CLEC16A: variants seen among roughly 807,000 people sequenced by gnomAD.
The protein encoded by CLEC16A is C-type lectin domain containing 16A.
A neutral mutation model predicts 109.5 loss-of-function variants in CLEC16A; 51 were observed. That is an observed-to-expected ratio of 0.47 (90% CI 0.37 to 0.59). CLEC16A has a LOEUF of 0.59. CLEC16A is among the 20% of genes least tolerant of loss of function. The pLI is 0.00. For missense variants in CLEC16A, 1,339 were observed against 1,394.0 expected (o/e 0.96, Z 0.63); for synonymous variants, 673 against 564.2 (o/e 1.19, Z -2.73).
At chr16:10,955,716 G>A (rs1422252348) in intron 1 of CLEC16A, among the ~76,000 whole-genome samples, 1 of 152,144 alleles carries the variant, frequency 6.6e-6, no homozygotes, top group East Asian at 1.9e-4. Context: ...TATGATGTGT[G>A]ATGCTAATAG....
At chr16:11,072,156 C>T (rs577669918) in intron 19 of CLEC16A, among the ~76,000 whole-genome samples, 2 of 152,200 alleles carry the variant, frequency 1.3e-5, no homozygotes, top group Admixed American at 6.5e-5. Flanking sequence ...GGATCTCGTT[C>T]TGTCCCCCAG....
At chr16:11,011,328 C>T (rs1017899158) in intron 11 of CLEC16A, among the ~76,000 whole-genome samples, 13 of 152,136 alleles carry the variant, frequency 8.5e-5, no homozygotes, top group African/African-American at 2.7e-4. Flanking sequence ...CCTTTCCCTT[C>T]TTCTCATTTA....
chr16:11,104,863 C>T (rs757263017), intron 19 of CLEC16A, among the ~76,000 whole-genome samples: 3 of 152,180 alleles, frequency 2.0e-5, no homozygotes, highest in African/African-American at 4.8e-5. Context: ...GGTAGAGAGA[C>T]CCTGACCACA....
At chr16:10,980,583 G>A (rs1042361856) in intron 9 of CLEC16A, among the ~76,000 whole-genome samples, 5 of 152,052 alleles carry the variant, frequency 3.3e-5, no homozygotes, top group African/African-American at 7.3e-5. Flanking sequence ...CAGCGGGAAC[G>A]TCAGTGGAGA....
intron 19 of CLEC16A, among the ~76,000 whole-genome samples, chr16:11,070,074 A>C (rs1355952247): frequency 1.4e-5 from 2 of 143,674 alleles, no homozygotes; most frequent in Non-Finnish European, 1.5e-5. Context: ...AACTGCCACC[A>C]TTTTTTTTTT....
chr16:11,167,068 C>A (rs555362463), intron 23 of CLEC16A, among the ~76,000 whole-genome samples: 1 of 152,264 alleles, frequency 6.6e-6, no homozygotes, highest in East Asian at 1.9e-4. Context: ...CAACTTATTC[C>A]ACTTCAGACA....
At chr16:11,049,639 G>A (rs901173882) in intron 17 of CLEC16A, among the ~76,000 whole-genome samples, 3 of 152,200 alleles carry the variant, frequency 2.0e-5, no homozygotes, top group African/African-American at 7.2e-5. Flanking sequence ...GAAGGGGGTG[G>A]GGACAGGCCC....
intron 22 of CLEC16A, among the ~76,000 whole-genome samples, chr16:11,131,175 C>T (rs2053184991): frequency 6.6e-6 from 1 of 152,150 alleles, no homozygotes; most frequent in Admixed American, 6.5e-5. Flanking sequence ...GGTGGGCAGG[C>T]ATGGCCAGGC....
chr16:11,161,861 T>C (rs1007224566), intron 22 of CLEC16A, among the ~76,000 whole-genome samples: 1 of 152,170 alleles, frequency 6.6e-6, no homozygotes, highest in Non-Finnish European at 1.5e-5. Context: ...ATAACATAAA[T>C]AAGCAAAGCG....
At chr16:11,017,368 G>C (rs935149872) in intron 11 of CLEC16A, among the ~76,000 whole-genome samples, 3 of 152,126 alleles carry the variant, frequency 2.0e-5, no homozygotes, top group African/African-American at 7.2e-5. Context: ...TAAAGAAGCA[G>C]AACAATAGAG....
At chr16:11,054,143 G>A (rs1239819529) in intron 18 of CLEC16A, among the ~76,000 whole-genome samples, 1 of 152,222 alleles carries the variant, frequency 6.6e-6, no homozygotes, top group Non-Finnish European at 1.5e-5. Context: ...GAGCCTTGGA[G>A]CCCCTTGAGA....
chr16:11,178,748 G>A lies in CLEC16A; in HGVS notation c.*58G>A, dbSNP rs916651488. On this transcript the variant is annotated 3_prime_UTR_variant, in exon 24 of 24. Transcript: ENST00000409790. This position sits in a 1 kb window ranked among gnomAD's most constrained non-coding sequence, Gnocchi z 6.5. ...CCCCGCTGGTAGGGACCCCAGTGCC[G>A]CTGACTGGCAAGACACACTGGGAGC... 1.1e-4 allele frequency: 149 copies of A among 1,322,580 alleles called. No individual in the cohort carries two copies. The highest frequency in any genetic ancestry group is 1.4e-4 in the Non-Finnish European group (144 of 996,732). The allele number at this position is 1,322,580 out of a possible 1,614,324, so 81.9% of individuals were successfully genotyped here.
In CLEC16A at chr16:10,966,405, G is replaced by A. The variant is rs575372701; in HGVS notation, c.344-2756G>A. Among the ~76,000 whole-genome samples, 7 of 152,240 alleles carry A rather than the reference G, an allele frequency of 4.6e-5. No homozygotes were observed. In the East Asian group the frequency reaches 9.7e-4, roughly 21 times the overall value. Reference sequence around the variant, plus strand: ...AGAATAAGGGTTGCATTGGGGTAGCGGGTACTGACTGGGCAGGGGCATGAG... The same window carrying A: ...AGAATAAGGGTTGCATTGGGGTAGCAGGTACTGACTGGGCAGGGGCATGAG... On this transcript the variant is annotated intron_variant, in intron 3 of 23. Transcript: ENST00000409790.
At chr16:11,032,691 C>G (rs1424998691) in intron 13 of CLEC16A, among the ~76,000 whole-genome samples, 1 of 152,002 alleles carries the variant, frequency 6.6e-6, no homozygotes, top group Non-Finnish European at 1.5e-5. Flanking sequence ...GAGCCACAGC[C>G]CAGAGAGTGA....
chr16:11,022,430 C>A (rs2046164772), intron 12 of CLEC16A, among the ~76,000 whole-genome samples: 1 of 143,808 alleles, frequency 7.0e-6, no homozygotes, highest in Non-Finnish European at 1.5e-5. Context: ...ATCCTCCAAT[C>A]CTCCTGCCTC....
chr16:11,120,809 CAA>C lies in CLEC16A; in HGVS notation c.2268+45_2268+46del, dbSNP rs747962093. On this transcript the variant is annotated intron_variant, in intron 20 of 23. Coordinates refer to ENST00000409790, the MANE Select transcript of CLEC16A (RefSeq NM_015226.3). ...TCTGGGATCTGTTCTCAGTTGGCTACAAACACACACACACACACACACACACA... is the reference window on the plus strand; with the variant it reads ...TCTGGGATCTGTTCTCAGTTGGCTACACACACACACACACACACACACACA... 1.3e-4 allele frequency: 174 copies of C among 1,305,998 alleles called. No homozygotes were observed. In the East Asian group the frequency reaches 4.4e-3, roughly 33 times the overall value. The allele number at this position is 1,305,998 out of a possible 1,614,324, so 80.9% of individuals were successfully genotyped here.
intron 11 of CLEC16A, among the ~76,000 whole-genome samples, chr16:11,006,528 A>C (rs191725570): frequency 1.8e-4 from 27 of 152,266 alleles, no homozygotes; most frequent in Admixed American, 4.6e-4. Context: ...ACAGATGGAC[A>C]TGGTGACTCT....
At chr16:11,132,281 G>T (rs1245331363) in intron 22 of CLEC16A, among the ~76,000 whole-genome samples, 4 of 117,656 alleles carry the variant, frequency 3.4e-5, no homozygotes, top group African/African-American at 1.4e-4. Flanking sequence ...CCACTAATCT[G>T]CTTTCTGTCT....
chr16:10,956,640 G>A (rs1039512037), intron 1 of CLEC16A, among the ~76,000 whole-genome samples: 1 of 152,112 alleles, frequency 6.6e-6, no homozygotes, highest in Non-Finnish European at 1.5e-5. Context: ...TCTGGTCCCC[G>A]CGCTGCTCAG....
Sources: gnomAD v4.1 joint callset for allele counts (sites outside exome capture counted in the v4.1 genomes callset) on GRCh38, gnomAD v4.1.1 for gene constraint, Gnocchi (gnomAD v3.1) non-coding constraint, MANE v1.5 for transcripts, NCBI Gene and HGNC (gene_info 2026-07-23, HGNC 2026-07-21) for gene names.